Variants in DDX39B observed in about 807,000 individuals in gnomAD.
DDX39B encodes spliceosome RNA helicase DDX39B.
In DDX39B, 6 loss-of-function variants were observed where a neutral mutation model predicts 46.4. The observed-to-expected ratio is 0.13, with a 90% CI of 0.07 to 0.26. The LOEUF (loss-of-function observed/expected upper bound fraction) is 0.26. Among genes scored for constraint, DDX39B ranks in the 10% least tolerant of loss-of-function variants. The pLI is 1.00. For synonymous variants in DDX39B, 174 were observed against 199.4 expected, an observed-to-expected ratio of 0.87 and a Z score of 1.07; for missense variants, 185 against 553.4, an observed-to-expected ratio of 0.33 and a Z score of 6.68.
intron 7 of DDX39B, 170 bp downstream of exon 7, chr6:31,532,610 G>C: frequency 1.3e-6 from 1 of 793,966 alleles, no homozygotes; most frequent in Non-Finnish European, 1.9e-6. Context: ...CCATAGAATA[G>C]AAAAGCAGCT....
At position 31,538,403 on chromosome 6, in the gene DDX39B, G is replaced by A. The variant is rs139509261; in HGVS notation, c.432+360C>T. The stretch of plus-strand genomic sequence containing the variant: ...ACTCCTGACCTCAAATAATCCACAC[G>A]CCTTGGCCTCCCAAACTGCTGAGAT... On this transcript the variant is annotated intron_variant, in intron 4 of 10. Transcript: ENST00000396172. Among the ~76,000 whole-genome samples, 1,232 of 152,210 alleles carry A rather than the reference G, an allele frequency of 8.1e-3. 6 individuals carry two copies. The highest frequency in any genetic ancestry group is 0.011 in the Non-Finnish European group (778 of 68,006).
Position 31,535,098 on chromosome 6 carries a change from T to A in DDX39B, c.735+269A>T. 1 of 514,466 alleles carries A rather than the reference T, an allele frequency of 1.9e-6. No homozygotes were observed. Among genetic ancestry groups the A allele is most frequent in the Non-Finnish European group, 3.5e-6 (1 of 284,576 alleles). The allele number at this position is 514,466 out of a possible 1,614,324, so 31.9% of individuals were successfully genotyped here. A position where few individuals can be genotyped will look rare whatever the true frequency, so the allele number is the denominator to read the frequency against. On this transcript the variant is annotated intron_variant, in intron 6 of 10. Coordinates refer to ENST00000396172, the MANE Select transcript of DDX39B (RefSeq NM_004640.7). The surrounding 1 kb of genome is among the most constrained non-coding windows in gnomAD (Gnocchi z 4.6). The stretch of plus-strand genomic sequence containing the variant: ...TGCCCTCCCCCAAAGGGAGAAGAGG[T>A]TCAAAAATGTTGTGATTTATGAAAA...
intron 4 of DDX39B, among the ~76,000 whole-genome samples, chr6:31,538,044 TAAATAA>T (rs2150340646): frequency 6.6e-6 from 1 of 151,836 alleles, no homozygotes; most frequent in Non-Finnish European, 1.5e-5. Flanking sequence ...TCAAAACAAA[TAAATAA>T]AAATAAAATA....
chr6:31,541,782 C>G (rs1768504598), intron 1 of DDX39B, 168 bp downstream of exon 1: 3 of 660,406 alleles, frequency 4.5e-6, no homozygotes, highest in South Asian at 1.5e-5. Context: ...CCTTCCTTCC[C>G]CCAGGAGCTC....
rs749217829 is a variant in DDX39B, at chr6:31,540,307, C to T, written c.211+15G>A. 6.2e-7 allele frequency: 1 copy of T among 1,613,898 alleles called. No homozygotes were observed. The highest frequency in any genetic ancestry group is 8.5e-7 in the Non-Finnish European group (1 of 1,179,800). On this transcript the variant is annotated intron_variant, in intron 2 of 10. Transcript: ENST00000396172. The stretch of plus-strand genomic sequence containing the variant: ...AAGAGCCCAATGAGCACTACATGCC[C>T]AAGAGAAAATTTACCTTCTGACGGA...
At chr6:31,537,693 A>C (rs1767936493) in intron 4 of DDX39B, among the ~76,000 whole-genome samples, 1 of 148,150 alleles carries the variant, frequency 6.7e-6, no homozygotes, top group Non-Finnish European at 1.5e-5. Flanking sequence ...GGGGAAAAGA[A>C]CAACTGTGGA....
At position 31,534,921 on chromosome 6, in the gene DDX39B, G is replaced by T; in HGVS notation, c.735+446C>A. ...TTCTTTTGGACATGCCCTGCCATCT[G>T]TCTGTCCCTCTCTTGCTCTCCTGCC... On this transcript the variant is annotated intron_variant, in intron 6 of 10. Coordinates refer to ENST00000396172, the MANE Select transcript of DDX39B (RefSeq NM_004640.7). The surrounding 1 kb of genome is among the most constrained non-coding windows in gnomAD (Gnocchi z 5.1). 1 of 275,562 alleles carries T rather than the reference G, an allele frequency of 3.6e-6. No homozygotes were observed. The allele number at this position is 275,562 out of a possible 1,614,324, so 17.1% of individuals were successfully genotyped here. A position where few individuals can be genotyped will look rare whatever the true frequency, so the allele number is the denominator to read the frequency against.
At position 31,530,814 on chromosome 6, in the gene DDX39B, C is replaced by T; in HGVS notation, c.1235G>A (p.Ser412Asn). ...GATGTCTATCTCATCAGGCAGCTCACTAATATTGACCTCAAAGCGATCCTG... is the reference window on the plus strand; with the variant it reads ...GATGTCTATCTCATCAGGCAGCTCATTAATATTGACCTCAAAGCGATCCTG... ...DVQDRFEVNI[S>N]ELPDEIDISS... Residue 412 changes from serine (S) to asparagine (N), a missense_variant, in exon 10 of 11, where the codon AGT becomes AAT. Physicochemically the swap from Ser to Asn is conservative, Grantham distance 46. Transcript: ENST00000396172. This position sits in a 1 kb window ranked among gnomAD's most constrained non-coding sequence, Gnocchi z 4.5. 1 of 1,613,382 alleles carries T rather than the reference C, an allele frequency of 6.2e-7. No individual in the cohort carries two copies. The highest frequency in any genetic ancestry group is 8.5e-7 in the Non-Finnish European group (1 of 1,180,018).
In DDX39B at chr6:31,538,781, T is replaced by C; in HGVS notation, c.414A>G (p.Lys138=). Residue 138 remains lysine (K), a synonymous_variant, in exon 4 of 11, where the codon AAA becomes AAG. Coordinates refer to ENST00000396172, the MANE Select transcript of DDX39B (RefSeq NM_004640.7). ...GGCTTACCTTGACATTGGGCATGTA[T>C]TTAGAGAAGCGCTCATATTCCTTGC... The part of the protein sequence containing the change: ...QISKEYERFS[K]YMPNVKVAVF... 2 of 1,613,816 alleles carry C rather than the reference T, an allele frequency of 1.2e-6. No individual in the cohort carries two copies. The highest frequency in any genetic ancestry group is 1.7e-6 in the Non-Finnish European group (2 of 1,179,886).
At chr6:31,541,409 A>G (rs1356847566) in intron 1 of DDX39B, 1 of 371,774 alleles carries the variant, frequency 2.7e-6, no homozygotes, top group East Asian at 7.4e-5. Flanking sequence ...GTGGTCTCAC[A>G]TCACTGTTAC....
chr6:31,540,678 A>C lies in DDX39B; in HGVS notation c.-132-14T>G, dbSNP rs931569510. The C allele has an allele frequency of 4.3e-6, 3 of 690,116 alleles. No individual in the cohort carries two copies. The African/African-American group carries it at 5.4e-5, about 12-fold the overall frequency. 42.7% of individuals were successfully genotyped at this position (690,116 alleles called of 1,614,324 possible). On this transcript the variant is annotated splice_polypyrimidine_tract_variant and intron_variant, in intron 1 of 10. Coordinates refer to ENST00000396172, the MANE Select transcript of DDX39B (RefSeq NM_004640.7). ...CTAACAGAAGAGCTGGAGGGGGGAAAAAAAAAAGCAAGACTTAATCACGAG... is the reference window on the plus strand; with the variant it reads ...CTAACAGAAGAGCTGGAGGGGGGAACAAAAAAAGCAAGACTTAATCACGAG...
chr6:31,540,600 G>C lies in DDX39B; in HGVS notation c.-68C>G. The stretch of plus-strand genomic sequence containing the variant: ...GTTCTCGCAAAATAGGTGAAAACAA[G>C]GGGTGAAGAGTAGGGGATTGAGGAA... On this transcript the variant is annotated 5_prime_UTR_variant, in exon 2 of 11. Coordinates refer to ENST00000396172, the MANE Select transcript of DDX39B (RefSeq NM_004640.7). 1 of 1,464,562 alleles carries C rather than the reference G, an allele frequency of 6.8e-7. No homozygotes were observed. The highest frequency in any genetic ancestry group is 1.1e-5 in the South Asian group (1 of 87,732). 90.7% of individuals were successfully genotyped at this position (1,464,562 alleles called of 1,614,324 possible).
At chr6:31,536,809 G>A (rs1767832416) in intron 4 of DDX39B, 126 bp from the exon 5 acceptor site, 3 of 1,271,524 alleles carry the variant, frequency 2.4e-6, no homozygotes, top group African/African-American at 1.5e-5. Flanking sequence ...AACTTTAGAG[G>A]GCACCTAATT....
At chr6:31,541,603 A>C in intron 1 of DDX39B, 1 of 473,992 alleles carries the variant, frequency 2.1e-6, no homozygotes, top group Non-Finnish European at 4.4e-6. Context: ...AGGACAAGGA[A>C]GGTGAGAAGA....
At chr6:31,538,924 T>A (rs1352884613) in intron 3 of DDX39B, 69 bp from the exon 4 acceptor site, 2 of 1,547,218 alleles carry the variant, frequency 1.3e-6, no homozygotes. Flanking sequence ...GGGAAGTGAC[T>A]GTCACAAAAA....
intron 1 of DDX39B, chr6:31,541,297 G>A: frequency 4.3e-6 from 2 of 465,966 alleles, no homozygotes; most frequent in Non-Finnish European, 8.8e-6. Flanking sequence ...AAATGGCTCG[G>A]CCACAAAAAA....
chr6:31,532,700 TAA>T (rs1562406574), intron 7 of DDX39B, 78 bp downstream of exon 7: 4 of 1,543,722 alleles, frequency 2.6e-6, no homozygotes, highest in Non-Finnish European at 3.6e-6. Flanking sequence ...ATTTCCTCAA[TAA>T]AAGTGTACTT....
At chr6:31,536,257 C>T in intron 5 of DDX39B, 5 of 613,798 alleles carry the variant, frequency 8.1e-6, no homozygotes, top group East Asian at 2.9e-5. Context: ...ATGACTTATG[C>T]CTAAAATTAT....
Position 31,532,830 on chromosome 6 carries a change from CGTT to C in DDX39B, c.814_816del (p.Asn272del). The C allele has an allele frequency of 6.2e-7, 1 of 1,605,434 alleles. No homozygotes were observed. Among genetic ancestry groups the C allele is most frequent in the Non-Finnish European group, 8.5e-7 (1 of 1,176,036 alleles). ...AGGTCAAAGAGCTTCCGGTTCTTCTCGTTGTCCTTCAGTTTCACGTAGTACTGC... is the reference window on the plus strand; with the variant it reads ...AGGTCAAAGAGCTTCCGGTTCTTCTCGTCCTTCAGTTTCACGTAGTACTGC... On this transcript the variant is annotated inframe_deletion, in exon 7 of 11. Transcript: ENST00000396172.
Sources: allele counts gnomAD v4.1 joint callset (sites outside exome capture counted in the v4.1 genomes callset), GRCh38; gene constraint gnomAD v4.1.1; non-coding constraint Gnocchi (gnomAD v3.1); transcripts MANE v1.5; gene names NCBI Gene and HGNC (gene_info 2026-07-23, HGNC 2026-07-21).